C1QTNF7: variants seen among roughly 807,000 people sequenced by gnomAD.
C1QTNF7 encodes the protein C1q and TNF related 7.
A neutral mutation model predicts 19.6 loss-of-function variants in C1QTNF7; 15 were observed. That is an observed-to-expected ratio of 0.76 (90% CI 0.51 to 1.18). The LOEUF is 1.18. C1QTNF7 is among the 50% of genes most tolerant of loss of function. C1QTNF7 has a pLI of 0.00. For synonymous variants in C1QTNF7, 142 were observed against 137.5 expected, an observed-to-expected ratio of 1.03 and a Z score of -0.23; for missense variants, 324 against 359.7, an observed-to-expected ratio of 0.90 and a Z score of 0.80.
chr4:15,383,940 G>T (rs1718239682), intron 1 of C1QTNF7, among the ~76,000 whole-genome samples: 1 of 152,212 alleles, frequency 6.6e-6, no homozygotes. Flanking sequence ...TGGTAGAAAT[G>T]GAGGCTATCA....
chr4:15,445,467 T>C lies in C1QTNF7; in HGVS notation c.*2668T>C, dbSNP rs1712957101. On this transcript the variant is annotated 3_prime_UTR_variant, in exon 3 of 3. Transcript: ENST00000444304. Reference sequence around the variant, plus strand: ...ATTGCTTACTTATCTTTTAAATGTTTCTTTTATTACAAAGCCTATTTTGAG... The same window carrying C: ...ATTGCTTACTTATCTTTTAAATGTTCCTTTTATTACAAAGCCTATTTTGAG... The C allele has an allele frequency of 6.6e-6, 1 of 152,260 alleles. No individual in the cohort carries two copies. The highest frequency in any genetic ancestry group is 2.1e-4 in the South Asian group (1 of 4,832). The allele number at this position is 152,260 out of a possible 1,614,324, so 9.4% of individuals were successfully genotyped here. A position where few individuals can be genotyped will look rare whatever the true frequency, so the allele number is the denominator to read the frequency against.
intron 1 of C1QTNF7, among the ~76,000 whole-genome samples, chr4:15,411,358 A>T (rs905073588): frequency 2.5e-4 from 37 of 150,646 alleles, no homozygotes; most frequent in East Asian, 3.9e-4. Context: ...ATGAAATATT[A>T]AAAAAAAACC....
chr4:15,393,129 G>A (rs1228743831), intron 1 of C1QTNF7, among the ~76,000 whole-genome samples: 4 of 152,118 alleles, frequency 2.6e-5, no homozygotes, highest in Non-Finnish European at 5.9e-5. Flanking sequence ...TTTTATAAGG[G>A]GAAATCTCTT....
chr4:15,364,922 T>A (rs567952677), intron 1 of C1QTNF7, among the ~76,000 whole-genome samples: 19 of 152,284 alleles, frequency 1.2e-4, no homozygotes, highest in Non-Finnish European at 2.4e-4. Context: ...TCTCTTTTTT[T>A]GTGAGGCAAG....
intron 1 of C1QTNF7, among the ~76,000 whole-genome samples, chr4:15,388,494 A>T (rs1718426879): frequency 6.6e-6 from 1 of 152,184 alleles, no homozygotes; most frequent in South Asian, 2.1e-4. Flanking sequence ...TACAAATTAA[A>T]GGTACAGTGT....
chr4:15,373,820 C>T (rs1008476980), intron 1 of C1QTNF7: 1 of 152,146 alleles, frequency 6.6e-6, no homozygotes, highest in Non-Finnish European at 1.5e-5. Flanking sequence ...AAAAGTCACT[C>T]AATGGTTTCT....
At chr4:15,422,938 G>A (rs367767609) in intron 1 of C1QTNF7, among the ~76,000 whole-genome samples, 31 of 152,092 alleles carry the variant, frequency 2.0e-4, no homozygotes, top group African/African-American at 6.0e-4. Flanking sequence ...AGTTTTTTAC[G>A]TTTTAAAATA....
chr4:15,340,044 T>G, exon 1 of C1QTNF7: 1 of 954,814 alleles, frequency 1.0e-6, no homozygotes. Context: ...ACGAGCACTT[T>G]ATTTTTCATC....
intron 1 of C1QTNF7, among the ~76,000 whole-genome samples, chr4:15,401,062 CG>C (rs1202075035): frequency 6.6e-6 from 1 of 152,186 alleles, no homozygotes; most frequent in Non-Finnish European, 1.5e-5. Context: ...GAAATACTAG[CG>C]GGCGCACCCC....
intron 1 of C1QTNF7, among the ~76,000 whole-genome samples, chr4:15,430,522 C>T (rs976508352): frequency 6.6e-6 from 1 of 152,192 alleles, no homozygotes; most frequent in Non-Finnish European, 1.5e-5. Flanking sequence ...TGTGGAGTGA[C>T]AGCTAAGGGG....
chr4:15,375,395 A>C (rs146630089), intron 1 of C1QTNF7, among the ~76,000 whole-genome samples: 29 of 152,340 alleles, frequency 1.9e-4, no homozygotes, highest in Non-Finnish European at 3.5e-4. Flanking sequence ...AATCATTGCA[A>C]TATGGAAGCA....
chr4:15,341,225 T>C (rs1716525947), intron 1 of C1QTNF7, among the ~76,000 whole-genome samples: 1 of 152,212 alleles, frequency 6.6e-6, no homozygotes, highest in Admixed American at 6.5e-5. Flanking sequence ...GACATTTAGG[T>C]GACCTCAGGC....
intron 1 of C1QTNF7, among the ~76,000 whole-genome samples, chr4:15,387,000 T>G (rs1333284811): frequency 1.3e-5 from 2 of 152,040 alleles, no homozygotes; most frequent in Non-Finnish European, 2.9e-5. Context: ...GAAAACCAGA[T>G]AGCGACTGTT....
chr4:15,361,265 T>G (rs1251843069), intron 1 of C1QTNF7: 1 of 151,972 alleles, frequency 6.6e-6, no homozygotes, highest in Admixed American at 6.6e-5. Context: ...TTCCATCTTC[T>G]TCTTGGAACA....
intron 1 of C1QTNF7, among the ~76,000 whole-genome samples, chr4:15,418,333 T>C (rs1363204013): frequency 6.6e-6 from 1 of 152,182 alleles, no homozygotes; most frequent in Non-Finnish European, 1.5e-5. Flanking sequence ...GCTGTTAAGA[T>C]AAAAGCCAAC....
At chr4:15,397,557 G>T (rs1243741507) in intron 1 of C1QTNF7, among the ~76,000 whole-genome samples, 1 of 152,130 alleles carries the variant, frequency 6.6e-6, no homozygotes, top group Non-Finnish European at 1.5e-5. Context: ...CCTGGATAGT[G>T]GTTACAGGCC....
rs1160805038 is a variant in C1QTNF7 at position 15,436,083 on chromosome 4, C to T, written c.238+102C>T. The T allele has an allele frequency of 7.5e-6, 11 of 1,462,612 alleles. No individual in the cohort carries two copies. The African/African-American group carries it at 9.9e-5, about 13-fold the overall frequency. 90.6% of individuals were successfully genotyped at this position (1,462,612 alleles called of 1,614,324 possible). A position where few individuals can be genotyped will look rare whatever the true frequency, so the allele number is the denominator to read the frequency against. On this transcript the variant is annotated intron_variant, in intron 2 of 2. Coordinates refer to ENST00000444304, the MANE Select transcript of C1QTNF7 (RefSeq NM_031911.5). The stretch of plus-strand genomic sequence containing the variant: ...TCTAATGGGAATTGCTCCTTAAACC[C>T]CTTCTGTACTTTCATTAATCGTAAC...
intron 1 of C1QTNF7, among the ~76,000 whole-genome samples, chr4:15,383,763 T>C (rs190382490): frequency 9.2e-5 from 14 of 152,362 alleles, no homozygotes; most frequent in African/African-American, 3.1e-4. Flanking sequence ...GCTGATTTGC[T>C]TTCTTCACCC....
chr4:15,398,823 T>C (rs1255295379), intron 1 of C1QTNF7, among the ~76,000 whole-genome samples: 1 of 152,156 alleles, frequency 6.6e-6, no homozygotes, highest in Non-Finnish European at 1.5e-5. Context: ...AAGTAAAGTA[T>C]ACTTGGAAGA....
Sources: gnomAD v4.1 joint callset for allele counts (sites outside exome capture counted in the v4.1 genomes callset) on GRCh38, gnomAD v4.1.1 for gene constraint, MANE v1.5 for transcripts, NCBI Gene and HGNC (gene_info 2026-07-23, HGNC 2026-07-21) for gene names.